NRG3: variants seen among roughly 807,000 people sequenced by gnomAD.
The protein encoded by NRG3 is neuregulin 3.
NRG3 carries 31 observed loss-of-function variants against 66.9 expected under a neutral mutation model. That is an observed-to-expected ratio of 0.46 (90% CI 0.35 to 0.63). NRG3 has a LOEUF of 0.63. Among genes scored for constraint, NRG3 ranks in the 20% least tolerant of loss-of-function variants. The pLI, the probability that NRG3 is intolerant of heterozygous loss-of-function variation, is 0.00. For missense variants in NRG3, 910 were observed against 878.9 expected (o/e 1.04, Z -0.45); for synonymous variants, 393 against 359.4 (o/e 1.09, Z -1.06).
intron 2 of NRG3, among the ~76,000 whole-genome samples, chr10:82,546,778 A>G (rs988590975): frequency 1.3e-5 from 2 of 152,184 alleles, no homozygotes; most frequent in Non-Finnish European, 2.9e-5. Flanking sequence ...TACATTCCAC[A>G]AAACAACATA....
intron 2 of NRG3, among the ~76,000 whole-genome samples, chr10:82,394,173 CT>C (rs1000147990): frequency 6.6e-6 from 1 of 152,146 alleles, no homozygotes; most frequent in Non-Finnish European, 1.5e-5. Flanking sequence ...GAGCATTTCC[CT>C]TTGGGTTGAG....
intron 2 of NRG3, among the ~76,000 whole-genome samples, chr10:82,399,730 C>T (rs1220234726): frequency 2.0e-5 from 3 of 152,198 alleles, no homozygotes; most frequent in Non-Finnish European, 4.4e-5. Context: ...AGAGTTTCAA[C>T]ATATTAATTT....
chr10:82,979,107 A>G lies in NRG3; in HGVS notation c.1570A>G (p.Ile524Val). 6.2e-7 allele frequency: 1 copy of G among 1,614,016 alleles called. No homozygotes were observed. Among genetic ancestry groups the G allele is most frequent in the South Asian group, 1.1e-5 (1 of 91,064 alleles). Reference sequence around the variant, plus strand: ...ATCAAGGATCCCAGACCAGGATACGATACCTTGCCAAGGGTAGGTCTTAAA... The same window carrying G: ...ATCAAGGATCCCAGACCAGGATACGGTACCTTGCCAAGGGTAGGTCTTAAA... The part of the protein sequence containing the change: ...EESRIPDQDT[I>V]PCQGYSSSGL... Residue 524 changes from isoleucine to valine, a missense_variant, in exon 8 of 9, where the codon ATA becomes GTA. Ile to Val is a conservative substitution (Grantham distance 29, BLOSUM62 3). Transcript: ENST00000372141.
At chr10:82,674,794 G>T (rs2053550956) in intron 2 of NRG3, among the ~76,000 whole-genome samples, 1 of 147,540 alleles carries the variant, frequency 6.8e-6, no homozygotes, top group African/African-American at 2.5e-5. Flanking sequence ...ACCACCTGAT[G>T]GGTTCTCCTG....
chr10:82,669,877 G>A (rs1460772836), intron 2 of NRG3, among the ~76,000 whole-genome samples: 1 of 151,016 alleles, frequency 6.6e-6, no homozygotes, highest in Non-Finnish European at 1.5e-5. Context: ...GCAGTGAGCC[G>A]AGATCGCACC....
intron 1 of NRG3, among the ~76,000 whole-genome samples, chr10:82,325,715 C>A (rs1441347360): frequency 2.6e-5 from 4 of 151,382 alleles, no homozygotes. Context: ...TAGTATATAC[C>A]TCTAGCTTTC....
At chr10:82,507,433 TA>T in intron 2 of NRG3, among the ~76,000 whole-genome samples, 1 of 152,052 alleles carries the variant, frequency 6.6e-6, no homozygotes, top group African/African-American at 2.4e-5. Context: ...AGGAAAAGAG[TA>T]ATACAAGCCT....
chr10:82,643,899 CA>C lies in NRG3; in HGVS notation c.954-94677del, dbSNP rs1163396478. On this transcript the variant is annotated intron_variant, in intron 2 of 8. Coordinates refer to ENST00000372141, the MANE Select transcript of NRG3 (RefSeq NM_001010848.4). ...TGACACACACGCGCACACACACACACACACCCACACACACACACACACACGA... is the reference window on the plus strand; with the variant it reads ...TGACACACACGCGCACACACACACACCACCCACACACACACACACACACGA... Among the ~76,000 whole-genome samples, 70 of 19,220 alleles carry C rather than the reference CA, an allele frequency of 3.6e-3. 1 individual carries two copies. In the South Asian group the frequency reaches 0.082, roughly 23 times the overall value. 12.6% of individuals were successfully genotyped at this position (19,220 alleles called of 152,430 possible).
chr10:82,548,712 C>G (rs2044102558), intron 2 of NRG3, among the ~76,000 whole-genome samples: 1 of 151,972 alleles, frequency 6.6e-6, no homozygotes, highest in South Asian at 2.1e-4. Context: ...GCGTACAGTT[C>G]AGGCAGGTAA....
At chr10:82,873,813 AT>A (rs1244401642) in intron 4 of NRG3, among the ~76,000 whole-genome samples, 2 of 152,150 alleles carry the variant, frequency 1.3e-5, no homozygotes, top group African/African-American at 4.8e-5. Flanking sequence ...AACGAAATGA[AT>A]GCTGTCAGTT....
At chr10:82,052,570 T>TG (rs1422524113) in intron 1 of NRG3, among the ~76,000 whole-genome samples, 1 of 152,184 alleles carries the variant, frequency 6.6e-6, no homozygotes, top group African/African-American at 2.4e-5. Flanking sequence ...CTATTCTATA[T>TG]TTGTTCCCTG....
intron 8 of NRG3, chr10:82,984,741 G>A (rs1189035886): frequency 1.9e-6 from 3 of 1,549,446 alleles, no homozygotes; most frequent in African/African-American, 1.4e-5. Context: ...CAATGGAAAG[G>A]CCACACTTAC....
At position 82,090,725 on chromosome 10, in the gene NRG3, G is replaced by A. The variant is rs1040934830; in HGVS notation, c.823+214562G>A. On this transcript the variant is annotated intron_variant, in intron 1 of 8. Coordinates refer to ENST00000372141, the MANE Select transcript of NRG3 (RefSeq NM_001010848.4). ...CTGAGTATCCAATAATGTTAATGGG[G>A]GCAAAACAAGACTTATTACCATTTG... Among the ~76,000 whole-genome samples, 5 of 145,776 alleles carry A rather than the reference G, an allele frequency of 3.4e-5. No homozygotes were observed. In the Admixed American group the frequency reaches 3.5e-4, roughly 10 times the overall value.
At chr10:82,534,936 G>C (rs1016524236) in intron 2 of NRG3, among the ~76,000 whole-genome samples, 1 of 151,726 alleles carries the variant, frequency 6.6e-6, no homozygotes, top group Non-Finnish European at 1.5e-5. Context: ...GCCAAGACTG[G>C]TGGATCACCT....
intron 1 of NRG3, among the ~76,000 whole-genome samples, chr10:82,200,196 T>G (rs892378268): frequency 6.6e-6 from 1 of 152,186 alleles, no homozygotes; most frequent in African/African-American, 2.4e-5. Flanking sequence ...TGCTAATAAA[T>G]TAATCTTCAA....
chr10:82,365,068 G>A (rs922256839), intron 2 of NRG3, among the ~76,000 whole-genome samples: 1 of 152,136 alleles, frequency 6.6e-6, no homozygotes, highest in Non-Finnish European at 1.5e-5. Context: ...ACAATTCTAC[G>A]ATATAACAGG....
At chr10:81,889,062 C>G (rs1281180222) in intron 1 of NRG3, 1 of 152,062 alleles carries the variant, frequency 6.6e-6, no homozygotes, top group Non-Finnish European at 1.5e-5. Context: ...ATCAACAAAG[C>G]CCTAGATTTA....
intron 4 of NRG3, among the ~76,000 whole-genome samples, chr10:82,930,404 G>T (rs1348603846): frequency 2.0e-5 from 3 of 152,162 alleles, no homozygotes; most frequent in Non-Finnish European, 4.4e-5. Context: ...ACACTTCAGG[G>T]ATAACGATAA....
intron 3 of NRG3, among the ~76,000 whole-genome samples, chr10:82,827,380 G>C (rs1274575998): frequency 6.6e-6 from 1 of 152,142 alleles, no homozygotes; most frequent in Admixed American, 6.6e-5. Flanking sequence ...TCTTTCTCTT[G>C]CTGAGAGAGG....
Sources: gnomAD v4.1 joint callset for allele counts (sites outside exome capture counted in the v4.1 genomes callset) on GRCh38, gnomAD v4.1.1 for gene constraint, MANE v1.5 for transcripts, NCBI Gene and HGNC (gene_info 2026-07-23, HGNC 2026-07-21) for gene names.